The following BLTP1 variants were observed in gnomAD, a reference collection of about 807,000 sequenced individuals.
BLTP1 encodes the protein fragile site-associated protein.
the BLTP1 span, chr4:122,204,835 G>A: frequency 1.1e-6 from 1 of 875,138 alleles, no homozygotes; most frequent in Non-Finnish European, 1.4e-6. Context: ...AAGATTTGAG[G>A]TAAGCATAGA....
At chr4:122,272,604 T>C in the BLTP1 span, among the ~76,000 whole-genome samples, 3 of 152,026 alleles carry the variant, frequency 2.0e-5, no homozygotes, top group Non-Finnish European at 4.4e-5. Context: ...CTTTGATGTC[T>C]AAATATTTTA....
chr4:122,257,252 C>T, the BLTP1 span: 1 of 1,612,736 alleles, frequency 6.2e-7, no homozygotes, highest in Non-Finnish European at 8.5e-7. Flanking sequence ...ATTATTGTTA[C>T]AGAGCGATGG....
the BLTP1 span, chr4:122,187,776 T>C: frequency 5.1e-6 from 6 of 1,184,420 alleles, no homozygotes; most frequent in Non-Finnish European, 6.8e-6. Flanking sequence ...CACATAGTCC[T>C]AAAGTGGAAT....
the BLTP1 span, among the ~76,000 whole-genome samples, chr4:122,332,720 T>C: frequency 2.1e-5 from 3 of 141,716 alleles, no homozygotes; most frequent in South Asian, 2.3e-4. Context: ...CATGCTGGTG[T>C]GCTGCACCCA....
the BLTP1 span, chr4:122,206,079 C>T: frequency 1.0e-6 from 1 of 978,292 alleles, no homozygotes; most frequent in Non-Finnish European, 1.2e-6. Context: ...AATATATGAA[C>T]ACAATTTTAA....
At chr4:122,231,554 T>C in the BLTP1 span, 1 of 651,752 alleles carries the variant, frequency 1.5e-6, no homozygotes, top group African/African-American at 2.0e-5. Flanking sequence ...TTTTATCTTT[T>C]AATTTTGTTT....
the BLTP1 span, among the ~76,000 whole-genome samples, chr4:122,359,102 G>A: frequency 6.6e-6 from 1 of 151,246 alleles, no homozygotes. Flanking sequence ...AAAAGGGAGC[G>A]GGGAGGGATA....
the BLTP1 span, chr4:122,219,026 T>G: frequency 2.8e-6 from 1 of 360,704 alleles, no homozygotes; most frequent in African/African-American, 2.2e-5. Context: ...GAAAACTGTT[T>G]AACCATGCAA....
chr4:122,205,848 A>T, the BLTP1 span: 1 of 396,350 alleles, frequency 2.5e-6, no homozygotes, highest in Non-Finnish European at 3.4e-6. Flanking sequence ...GTATTGTGTT[A>T]TGTACTGTGA....
the BLTP1 span, among the ~76,000 whole-genome samples, chr4:122,273,768 C>T: frequency 6.6e-6 from 1 of 151,958 alleles, no homozygotes; most frequent in African/African-American, 2.4e-5. Flanking sequence ...AAGTGTCTGG[C>T]ATTAAAGAAC....
the BLTP1 span, chr4:122,203,896 CTT>C: frequency 1.3e-5 from 6 of 445,414 alleles, no homozygotes; most frequent in East Asian, 3.1e-4. Context: ...TGGCTAATAA[CTT>C]TATAAAATTA....
At chr4:122,192,253 A>G in the BLTP1 span, 1 of 1,612,876 alleles carries the variant, frequency 6.2e-7, no homozygotes. Context: ...GAAACAGAAG[A>G]AAATATTGAA....
chr4:122,158,402 A>T, the BLTP1 span, among the ~76,000 whole-genome samples: 1 of 152,158 alleles, frequency 6.6e-6, no homozygotes, highest in Non-Finnish European at 1.5e-5. Flanking sequence ...AAAAGTCATG[A>T]TTTCTTCTAG....
chr4:122,212,836 T>C, the BLTP1 span, among the ~76,000 whole-genome samples: 1 of 152,190 alleles, frequency 6.6e-6, no homozygotes, highest in African/African-American at 2.4e-5. Flanking sequence ...TTGCCCTAAA[T>C]ATTATATTAG....
chr4:122,320,200 G>A, the BLTP1 span, among the ~76,000 whole-genome samples: 2 of 152,094 alleles, frequency 1.3e-5, no homozygotes, highest in African/African-American at 4.8e-5. Context: ...ACAGGCTGGA[G>A]TGCAGTGGTG....
At chr4:122,157,224 G>A in the BLTP1 span, among the ~76,000 whole-genome samples, 2 of 152,128 alleles carry the variant, frequency 1.3e-5, no homozygotes, top group Non-Finnish European at 2.9e-5. Context: ...ACCGATAAAT[G>A]TTTTTTATTT....
chr4:122,165,762 A>G, the BLTP1 span, among the ~76,000 whole-genome samples: 1 of 135,294 alleles, frequency 7.4e-6, no homozygotes, highest in African/African-American at 2.5e-5. Context: ...AATGATTGCC[A>G]TTCTAACTGG....
the BLTP1 span, among the ~76,000 whole-genome samples, chr4:122,204,095 C>T: frequency 1.3e-5 from 2 of 151,836 alleles, no homozygotes; most frequent in Non-Finnish European, 2.9e-5. Context: ...TGATCTCTGC[C>T]CTCACTTATG....
At chr4:122,210,805 A>G in the BLTP1 span, 2 of 1,529,258 alleles carry the variant, frequency 1.3e-6, no homozygotes, top group African/African-American at 2.8e-5. Flanking sequence ...TTTCTTAGTG[A>G]ATATTTCCTT....
Sources: gnomAD v4.1 joint callset for allele counts (sites outside exome capture counted in the v4.1 genomes callset) on GRCh38, gnomAD v4.1.1 for gene constraint, MANE v1.5 for transcripts, NCBI Gene and HGNC (gene_info 2026-07-23, HGNC 2026-07-21) for gene names.